Variants in FAM120B observed in about 807,000 individuals in gnomAD.
The protein encoded by FAM120B is constitutive coactivator of peroxisome proliferator-activated receptor gamma.
In FAM120B, 83 loss-of-function variants were observed where a neutral mutation model predicts 96.3. That is an observed-to-expected ratio of 0.86 (90% CI 0.72 to 1.03). The LOEUF (loss-of-function observed/expected upper bound fraction) is 1.03. Among genes scored for constraint, FAM120B ranks in the 50% least tolerant of loss-of-function variants. FAM120B has a pLI of 0.00. For missense variants in FAM120B, 1,027 were observed against 1,121.2 expected (o/e 0.92, Z 1.20); for synonymous variants, 407 against 402.7 (o/e 1.01, Z -0.13).
chr6:170,397,925 A>G (rs1482173111), intron 9 of FAM120B, among the ~76,000 whole-genome samples: 3 of 152,190 alleles, frequency 2.0e-5, no homozygotes, highest in Non-Finnish European at 4.4e-5. Context: ...GCGTGCTGTC[A>G]TGTCCCCTAC....
rs534795744 is a variant in FAM120B at position 170,311,376 on chromosome 6, T to C, written c.-22+4534T>C. On this transcript the variant is annotated intron_variant, in intron 1 of 10. Transcript: ENST00000476287. The stretch of plus-strand genomic sequence containing the variant: ...AGACATACTGAAGGTGAGTTTTTTT[T>C]CCCCATTTCTACACTTGATGAACAA... Among the ~76,000 whole-genome samples the C allele has an allele frequency of 4.5e-4, 69 of 152,318 alleles. 1 individual carries two copies. Among genetic ancestry groups the C allele is most frequent in the African/African-American group, 4.6e-4 (19 of 41,562 alleles).
intron 4 of FAM120B, among the ~76,000 whole-genome samples, chr6:170,341,352 A>G (rs1786816365): frequency 6.6e-6 from 1 of 152,030 alleles, no homozygotes; most frequent in Non-Finnish European, 1.5e-5. Flanking sequence ...CCCCCCACCA[A>G]GCTCGATCGT....
intron 3 of FAM120B, among the ~76,000 whole-genome samples, chr6:170,330,193 C>A (rs1785920138): frequency 6.6e-6 from 1 of 152,186 alleles, no homozygotes; most frequent in African/African-American, 2.4e-5. Flanking sequence ...CTCTCTCTCC[C>A]ATATTATTGT....
Position 170,317,584 on chromosome 6 carries a change from G to A in FAM120B, c.194G>A (p.Arg65Gln), listed in dbSNP as rs535405359. ...TCTTGGATCTGCGGTGGCCAGTGGC[G>A]AGAATACTTTTCTGCTTTGCGAGAT... ...PESWICGGQW[R>Q]EYFSALRDFV... Residue 65 changes from arginine (R) to glutamine (Q), a missense_variant, in exon 2 of 11, where the codon CGA (arginine) becomes CAA (glutamine). Coordinates refer to ENST00000476287, the MANE Select transcript of FAM120B (RefSeq NM_032448.3). 1.1e-5 allele frequency: 17 copies of A among 1,614,170 alleles called. No homozygotes were observed. Among genetic ancestry groups the A allele is most frequent in the Admixed American group, 5.0e-5 (3 of 60,022 alleles).
rs538584720 is a variant in FAM120B at position 170,339,940 on chromosome 6, C to T, written c.2018-8211C>T. The stretch of plus-strand genomic sequence containing the variant: ...CTTAACATTTTTTCCTTCATTTCAA[C>T]CTTGGAGAATCTGACAATTAGGTGT... On this transcript the variant is annotated intron_variant, in intron 4 of 10. Transcript: ENST00000476287. Among the ~76,000 whole-genome samples the T allele has an allele frequency of 2.9e-4, 44 of 152,224 alleles. 1 individual carries two copies. Among genetic ancestry groups the T allele is most frequent in the South Asian group, 1.7e-3 (8 of 4,808 alleles).
rs943887237 is a variant in FAM120B at position 170,363,561 on chromosome 6, G to A, written c.2283+5243G>A. On this transcript the variant is annotated intron_variant, in intron 6 of 10. Coordinates refer to ENST00000476287, the MANE Select transcript of FAM120B (RefSeq NM_032448.3). The surrounding 1 kb of genome is among the most constrained non-coding windows in gnomAD (Gnocchi z 4.5). ...TGATGACTGATCATTGTCTATGCCAGTAGCAGCTTTTAGTGAAAATACAGG... is the reference window on the plus strand; with the variant it reads ...TGATGACTGATCATTGTCTATGCCAATAGCAGCTTTTAGTGAAAATACAGG... 6.6e-6 allele frequency among the ~76,000 whole-genome samples: 1 copy of A among 152,252 alleles called. No individual in the cohort carries two copies. Among genetic ancestry groups the A allele is most frequent in the Non-Finnish European group, 1.5e-5 (1 of 68,046 alleles).
chr6:170,395,747 G>A (rs145470561), intron 9 of FAM120B, among the ~76,000 whole-genome samples, 168 bp downstream of exon 9: 1 of 152,170 alleles, frequency 6.6e-6, no homozygotes, highest in Non-Finnish European at 1.5e-5. Flanking sequence ...GTGAAATAAA[G>A]ACAAATAATT....
chr6:170,341,997 G>C (rs1289986461), intron 4 of FAM120B, among the ~76,000 whole-genome samples: 1 of 152,160 alleles, frequency 6.6e-6, no homozygotes, highest in Non-Finnish European at 1.5e-5. Flanking sequence ...TGATCACAAG[G>C]TCCCACAATA....
intron 9 of FAM120B, among the ~76,000 whole-genome samples, chr6:170,400,278 A>C (rs890238399): frequency 6.6e-6 from 1 of 152,010 alleles, no homozygotes; most frequent in African/African-American, 2.4e-5. Flanking sequence ...GAACTATGTC[A>C]TAAGCCTTAG....
At chr6:170,321,293 G>C (rs1428545386) in intron 2 of FAM120B, among the ~76,000 whole-genome samples, 1 of 152,196 alleles carries the variant, frequency 6.6e-6, no homozygotes, top group Non-Finnish European at 1.5e-5. Flanking sequence ...AAAATGCTCA[G>C]GTAGAAAGGC....
At chr6:170,330,617 A>G in intron 4 of FAM120B, 67 bp downstream of exon 4, 2 of 1,209,072 alleles carry the variant, frequency 1.7e-6, no homozygotes, top group Non-Finnish European at 2.4e-6. Flanking sequence ...CTAAGAATGC[A>G]TCAGTTATGG....
chr6:170,378,687 G>A (rs548490598), intron 6 of FAM120B, among the ~76,000 whole-genome samples: 12 of 152,308 alleles, frequency 7.9e-5, no homozygotes, highest in South Asian at 4.1e-4. Context: ...AAGCGGTGGC[G>A]TAGACGGGCC....
At chr6:170,374,773 C>T (rs1390604902) in intron 6 of FAM120B, among the ~76,000 whole-genome samples, 5 of 152,172 alleles carry the variant, frequency 3.3e-5, no homozygotes, top group East Asian at 1.9e-4. Flanking sequence ...GTTAGATGAA[C>T]GGGTGATGTC....
chr6:170,304,999 C>T (rs557068758), upstream of FAM120B, among the ~76,000 whole-genome samples: 9 of 152,198 alleles, frequency 5.9e-5, no homozygotes, highest in South Asian at 8.3e-4. Flanking sequence ...GGGTTGCAGG[C>T]CATCTTCTCA....
At chr6:170,377,822 G>A (rs1245527944) in intron 6 of FAM120B, among the ~76,000 whole-genome samples, 3 of 107,476 alleles carry the variant, frequency 2.8e-5, no homozygotes, top group Non-Finnish European at 5.9e-5. Context: ...CACGCTGCTC[G>A]GTGCTGTGCA....
chr6:170,364,205 T>C (rs999270460), intron 6 of FAM120B, among the ~76,000 whole-genome samples: 7 of 152,212 alleles, frequency 4.6e-5, no homozygotes, highest in Admixed American at 3.9e-4. Flanking sequence ...CCAGGGGCCC[T>C]GAGTCTCCTC....
intron 1 of FAM120B, among the ~76,000 whole-genome samples, chr6:170,296,598 GC>G (rs952833485): frequency 2.6e-5 from 4 of 151,884 alleles, no homozygotes; most frequent in Non-Finnish European, 5.9e-5. Context: ...GCTGTGCGAG[GC>G]GACGGCGCAC....
At chr6:170,341,661 A>G (rs1345847438) in intron 4 of FAM120B, among the ~76,000 whole-genome samples, 1 of 152,194 alleles carries the variant, frequency 6.6e-6, no homozygotes, top group Non-Finnish European at 1.5e-5. Flanking sequence ...TGCGGATTGC[A>G]AAAACTGTGG....
chr6:170,385,750 T>A (rs1790150937), intron 6 of FAM120B, among the ~76,000 whole-genome samples: 1 of 152,214 alleles, frequency 6.6e-6, no homozygotes, highest in South Asian at 2.1e-4. Context: ...AGTGGGTGAT[T>A]AGATGAACGA....
Sources: allele counts gnomAD v4.1 joint callset (sites outside exome capture counted in the v4.1 genomes callset), GRCh38; gene constraint gnomAD v4.1.1; non-coding constraint Gnocchi (gnomAD v3.1); transcripts MANE v1.5; gene names NCBI Gene and HGNC (gene_info 2026-07-23, HGNC 2026-07-21).